VPS18: variants seen among roughly 807,000 people sequenced by gnomAD.
The protein encoded by VPS18 is vacuolar protein sorting-associated protein 18 homolog.
VPS18 carries 25 observed loss-of-function variants against 82.0 expected under a neutral mutation model. The ratio of observed to expected loss-of-function variants is 0.30; its 90% CI spans 0.22 to 0.43. VPS18 has a LOEUF of 0.43. VPS18 is among the 20% of genes least tolerant of loss of function. VPS18 has a pLI of 1.00. For missense variants in VPS18, 1,168 were observed against 1,311.1 expected (o/e 0.89, Z 1.69); for synonymous variants, 523 against 543.0 (o/e 0.96, Z 0.51).
Position 40,900,637 on chromosome 15 carries a change from C to A in VPS18, c.1819C>A (p.Pro607Thr). The A allele has an allele frequency of 1.2e-6, 2 of 1,614,146 alleles. No homozygotes were observed. Among genetic ancestry groups the A allele is most frequent in the Non-Finnish European group, 1.7e-6 (2 of 1,180,034 alleles). ...CTCACCCATCCTCATCCGTCACATCCCCCGCCAGCTTGTAGATGCCTGGAT... is the reference window on the plus strand; with the variant it reads ...CTCACCCATCCTCATCCGTCACATCACCCGCCAGCTTGTAGATGCCTGGAT... ...KFSPILIRHI[P>T]RQLVDAWIEM... is the part of the protein sequence containing the mutation. The change falls in exon 4 of 5, where the codon CCC (proline) becomes ACC (threonine). Residue 607 changes from proline (P) to threonine (T), a missense_variant. Coordinates refer to ENST00000220509, the MANE Select transcript of VPS18 (RefSeq NM_020857.3). This position sits in a 1 kb window ranked among gnomAD's most constrained non-coding sequence, Gnocchi z 5.4.
chr15:40,895,787 C>A, intron 1 of VPS18, 151 bp from the exon 2 acceptor site: 2 of 1,050,408 alleles, frequency 1.9e-6, no homozygotes, highest in Admixed American at 2.4e-5. Flanking sequence ...GACCAGCAAA[C>A]GACTTGATAT....
chr15:40,902,307 G>T lies in VPS18; in HGVS notation c.2197-309G>T, dbSNP rs1892373023. On this transcript the variant is annotated intron_variant, in intron 4 of 4. Coordinates refer to ENST00000220509, the MANE Select transcript of VPS18 (RefSeq NM_020857.3). The surrounding 1 kb of genome is among the most constrained non-coding windows in gnomAD (Gnocchi z 4.2). ...TTTTTGTATTTTTAGTAGAGACGGG[G>T]TTTCACTGTGTTAGCCAGGATGGTC... 4.6e-5 allele frequency among the ~76,000 whole-genome samples: 7 copies of T among 152,046 alleles called. No individual in the cohort carries two copies. The highest frequency in any genetic ancestry group is 4.6e-4 in the Admixed American group (7 of 15,258).
Position 40,899,593 on chromosome 15 carries a change from C to T in VPS18, c.775C>T (p.Arg259Cys), listed in dbSNP as rs1403904164. The change falls in exon 4 of 5, where the codon CGT (arginine) becomes TGT (cysteine). Residue 259 changes from arginine to cysteine, a missense_variant. Transcript: ENST00000220509. The surrounding 1 kb of genome is among the most constrained non-coding windows in gnomAD (Gnocchi z 4.4). ...TTACACGGACCACCCACCCCCATTCCGTGAGTTTCCCAGCAACCTGGGCTA... is the reference window on the plus strand; with the variant it reads ...TTACACGGACCACCCACCCCCATTCTGTGAGTTTCCCAGCAACCTGGGCTA... ...AAYTDHPPPF[R>C]EFPSNLGYSE... 4 of 1,609,152 alleles carry T rather than the reference C, an allele frequency of 2.5e-6. No homozygotes were observed. Among genetic ancestry groups the T allele is most frequent in the Non-Finnish European group, 3.4e-6 (4 of 1,180,014 alleles).
In VPS18 at chr15:40,902,883, G is replaced by T; in HGVS notation, c.2464G>T (p.Glu822Ter). The T allele has an allele frequency of 6.2e-7, 1 of 1,614,262 alleles. No homozygotes were observed. Among genetic ancestry groups the T allele is most frequent in the Non-Finnish European group, 8.5e-7 (1 of 1,180,052 alleles). Residue 822 changes from glutamate (E) to a stop codon, truncating the protein, a stop_gained, in exon 5 of 5, where the codon GAG becomes TAG. Transcript: ENST00000220509. LOFTEE classifies it high-confidence loss of function. The surrounding 1 kb of genome is among the most constrained non-coding windows in gnomAD (Gnocchi z 4.2). Reference protein sequence around the residue: ...YNHHIQELQREMEEATASAQR... With the variant: ...YNHHIQELQR The stretch of plus-strand genomic sequence containing the variant: ...CCACCACATCCAGGAGCTGCAGCGG[G>T]AGATGGAAGAGGCTACAGCCAGTGC...
Position 40,899,687 on chromosome 15 carries a change from A to T in VPS18, c.869A>T (p.Asp290Val). 1 of 1,613,730 alleles carries T rather than the reference A, an allele frequency of 6.2e-7. No homozygotes were observed. The highest frequency in any genetic ancestry group is 8.5e-7 in the Non-Finnish European group (1 of 1,179,994). ...CGGGCCTTCGCCTGGATGATGGGGG[A>T]TGGTGTGTTGTATGGGGCATTGGAC... ...APRAFAWMMG[D>V]GVLYGALDCG... is the part of the protein sequence containing the mutation. The change falls in exon 4 of 5, where the codon GAT becomes GTT. Residue 290 changes from aspartate to valine, a missense_variant. Asp to Val is a radical substitution (Grantham distance 152). Transcript: ENST00000220509. The surrounding 1 kb of genome is among the most constrained non-coding windows in gnomAD (Gnocchi z 4.4).
Position 40,901,011 on chromosome 15 carries a change from G to T in VPS18, c.2193G>T (p.Leu731=). 2 of 1,598,354 alleles carry T rather than the reference G, an allele frequency of 1.3e-6. No homozygotes were observed. Among genetic ancestry groups the T allele is most frequent in the Non-Finnish European group, 1.7e-6 (2 of 1,175,084 alleles). ...ELYEEAVDLA[L]QVDVDLAKQC... is the part of the protein sequence containing the mutation. ...ATGAGGAGGCCGTGGACCTGGCCCTGCAGGTAAGCCAGTACGTCTTGACCC... is the reference window on the plus strand; with the variant it reads ...ATGAGGAGGCCGTGGACCTGGCCCTTCAGGTAAGCCAGTACGTCTTGACCC... Residue 731 remains leucine (L), a synonymous_variant, in exon 4 of 5, where the codon CTG becomes CTT. Transcript: ENST00000220509.
At position 40,899,825 on chromosome 15, in the gene VPS18, T is replaced by A. The variant is rs572250726; in HGVS notation, c.1007T>A (p.Leu336Gln). 5.5e-5 allele frequency: 89 copies of A among 1,609,700 alleles called. No homozygotes were observed. Among genetic ancestry groups the A allele is most frequent in the Non-Finnish European group, 7.1e-5 (84 of 1,180,002 alleles). ...LAIVLTQFHF[L>Q]LLLADRVEAV... ...ATCGTCTTGACCCAGTTCCACTTCCTGCTGCTACTGGCAGACCGGGTGGAG... is the reference window on the plus strand; with the variant it reads ...ATCGTCTTGACCCAGTTCCACTTCCAGCTGCTACTGGCAGACCGGGTGGAG... The change falls in exon 4 of 5, where the codon CTG becomes CAG. Residue 336 changes from leucine (L) to glutamine (Q), a missense_variant. This residue lies in a region of VPS18 where 868 missense variants were observed against 939.8 expected (regional missense o/e 0.92). Coordinates refer to ENST00000220509, the MANE Select transcript of VPS18 (RefSeq NM_020857.3). This position sits in a 1 kb window ranked among gnomAD's most constrained non-coding sequence, Gnocchi z 4.4.
In VPS18 at chr15:40,894,822, G is replaced by A. The variant is rs771604365; in HGVS notation, c.54G>A (p.Leu18=). The change falls in exon 1 of 5, where the codon TTG becomes TTA. Residue 18 remains leucine, a synonymous_variant. Transcript: ENST00000220509. Reference sequence around the variant, plus strand: ...ACTCGCTGTCCCGCTCGGCCGTCTTGCAGCCCGGCTGCCCTAGCGTGGGCA... The same window carrying A: ...ACTCGCTGTCCCGCTCGGCCGTCTTACAGCCCGGCTGCCCTAGCGTGGGCA... The part of the protein sequence containing the change: ...YENSLSRSAV[L]QPGCPSVGIP... The A allele has an allele frequency of 1.8e-5, 28 of 1,555,506 alleles. No individual in the cohort carries two copies. In the East Asian group the frequency reaches 3.6e-4, roughly 20 times the overall value.
rs769319817 is a variant in VPS18, at chr15:40,900,485, T to C, written c.1667T>C (p.Met556Thr). ...LLASHGDTEH[M>T]VYFAVIMQDY... is the part of the protein sequence containing the mutation. ...GCCAGTCATGGGGACACAGAACACATGGTGTACTTTGCAGTGATCATGCAG... is the reference window on the plus strand; with the variant it reads ...GCCAGTCATGGGGACACAGAACACACGGTGTACTTTGCAGTGATCATGCAG... Residue 556 changes from methionine to threonine, a missense_variant, in exon 4 of 5, where the codon ATG becomes ACG. By Grantham distance (81) the Met-to-Thr change is moderately conservative. Around this residue, in one of 3 missense-constraint regions of VPS18, gnomAD observed 868 missense variants for 939.8 expected, o/e 0.92. Transcript: ENST00000220509. The surrounding 1 kb of genome is among the most constrained non-coding windows in gnomAD (Gnocchi z 5.4). 3.1e-6 allele frequency: 5 copies of C among 1,613,990 alleles called. No individual in the cohort carries two copies. Among genetic ancestry groups the C allele is most frequent in the Non-Finnish European group, 4.2e-6 (5 of 1,179,986 alleles).
Position 40,903,277 on chromosome 15 carries a change from G to A in VPS18, c.2858G>A (p.Arg953His), listed in dbSNP as rs199939115. 53 of 1,585,428 alleles carry A rather than the reference G, an allele frequency of 3.3e-5. No homozygotes were observed. The highest frequency in any genetic ancestry group is 3.0e-4 in the South Asian group (26 of 87,860). The stretch of plus-strand genomic sequence containing the variant: ...GTGTACTGTGGGGAGCTGATGATCC[G>A]CTCTATCGACCGGCCGTTCATCGAC... ...ECVYCGELMI[R>H]SIDRPFIDPQ... is the part of the protein sequence containing the mutation. Residue 953 changes from arginine (R) to histidine (H), a missense_variant, in exon 5 of 5, where the codon CGC becomes CAC. Around this residue, in one of 3 missense-constraint regions of VPS18, gnomAD observed 296 missense variants for 354.0 expected, o/e 0.84. Transcript: ENST00000220509.
In VPS18 at chr15:40,900,127, C is replaced by T. The variant is rs367658785; in HGVS notation, c.1309C>T (p.Arg437Cys). 1.1e-5 allele frequency: 18 copies of T among 1,613,710 alleles called. No homozygotes were observed. Among genetic ancestry groups the T allele is most frequent in the Admixed American group, 1.7e-5 (1 of 60,010 alleles). ...AREADFCFRQ[R>C]RYLESARCYA... ...GGAGGCCGATTTCTGCTTTCGCCAG[C>T]GTCGCTACCTGGAGAGCGCACGCTG... The change falls in exon 4 of 5, where the codon CGT becomes TGT. Residue 437 changes from arginine to cysteine, a missense_variant. Physicochemically the swap from Arg to Cys is radical, Grantham distance 180 (BLOSUM62 -3). Around this residue, in one of 3 missense-constraint regions of VPS18, gnomAD observed 868 missense variants for 939.8 expected, o/e 0.92. Transcript: ENST00000220509. This position sits in a 1 kb window ranked among gnomAD's most constrained non-coding sequence, Gnocchi z 5.4.
Position 40,899,664 on chromosome 15 carries a change from G to A in VPS18, c.846G>A (p.Arg282=), listed in dbSNP as rs1451779579. The stretch of plus-strand genomic sequence containing the variant: ...CCCCCAAGCTGCGCTCCGCACCCCG[G>A]GCCTTCGCCTGGATGATGGGGGATG... ...FYTPKLRSAP[R]AFAWMMGDGV... Residue 282 remains arginine (R), a synonymous_variant, in exon 4 of 5, where the codon CGG becomes CGA. Transcript: ENST00000220509. The surrounding 1 kb of genome is among the most constrained non-coding windows in gnomAD (Gnocchi z 4.4). The A allele has an allele frequency of 6.2e-7, 1 of 1,613,692 alleles. No homozygotes were observed. Among genetic ancestry groups the A allele is most frequent in the Non-Finnish European group, 8.5e-7 (1 of 1,180,048 alleles).
intron 2 of VPS18, among the ~76,000 whole-genome samples, chr15:40,898,025 G>A (rs1464165280): frequency 1.3e-5 from 2 of 152,118 alleles, no homozygotes; most frequent in Non-Finnish European, 2.9e-5. Context: ...GGAGTGCAGT[G>A]CCTCGATCTC....
At chr15:40,894,903 C>A in intron 1 of VPS18, 44 bp downstream of exon 1, 1 of 1,524,142 alleles carries the variant, frequency 6.6e-7, no homozygotes, top group Non-Finnish European at 8.8e-7. Context: ...GCTCTCCTAG[C>A]ATTTGCGTGG....
chr15:40,897,296 G>GA (rs745766692), intron 2 of VPS18, among the ~76,000 whole-genome samples: 2,694 of 134,754 alleles, frequency 0.02, 66 homozygotes, highest in African/African-American at 0.065. Flanking sequence ...GACTTTGTCT[G>GA]AAAAAAAAAA....
At position 40,894,852 on chromosome 15, in the gene VPS18, C is replaced by A. The variant is rs764085951; in HGVS notation, c.84C>A (p.Pro28=). Residue 28 remains proline (P), a synonymous_variant, in exon 1 of 5, where the codon CCC becomes CCA. Coordinates refer to ENST00000220509, the MANE Select transcript of VPS18 (RefSeq NM_020857.3). ...LQPGCPSVGI[P]HSGYVNAQLE... Reference sequence around the variant, plus strand: ...CCGGCTGCCCTAGCGTGGGCATCCCCCACTCGGGTAAGGAAGAGGAGGGTG... The same window carrying A: ...CCGGCTGCCCTAGCGTGGGCATCCCACACTCGGGTAAGGAAGAGGAGGGTG... The A allele has an allele frequency of 6.4e-7, 1 of 1,552,384 alleles. No homozygotes were observed. Among genetic ancestry groups the A allele is most frequent in the South Asian group, 1.2e-5 (1 of 84,172 alleles).
At chr15:40,898,799 A>C (rs1034556823) in intron 2 of VPS18, 108 bp from the exon 3 acceptor site, 3 of 1,167,842 alleles carry the variant, frequency 2.6e-6, no homozygotes, top group Admixed American at 2.0e-5. Context: ...GCATAGATGT[A>C]TATTTCAGGG....
At chr15:40,901,764 G>T (rs547932364) in intron 4 of VPS18, among the ~76,000 whole-genome samples, 2 of 152,014 alleles carry the variant, frequency 1.3e-5, no homozygotes, top group African/African-American at 4.8e-5. Flanking sequence ...AAGTTAGCTG[G>T]GCGTGGTGGC....
intron 4 of VPS18, among the ~76,000 whole-genome samples, chr15:40,901,726 C>T (rs563428687): frequency 4.0e-5 from 6 of 151,876 alleles, no homozygotes; most frequent in Non-Finnish European, 8.8e-5. Context: ...GCCAACATGT[C>T]GAAACCCTGT....
Sources: gnomAD v4.1 joint callset for allele counts (sites outside exome capture counted in the v4.1 genomes callset) on GRCh38, gnomAD v4.1.1 for gene constraint, gnomAD v4.1.1 regional missense constraint, Gnocchi (gnomAD v3.1) non-coding constraint, MANE v1.5 for transcripts, NCBI Gene and HGNC (gene_info 2026-07-23, HGNC 2026-07-21) for gene names.